The following NAV2 variants were observed in gnomAD, a reference collection of about 807,000 sequenced individuals.
NAV2 encodes helicase, APC down-regulated 1.
In NAV2, 54 loss-of-function variants were observed where a neutral mutation model predicts 223.2. That is an observed-to-expected ratio of 0.24 (90% CI 0.19 to 0.30). NAV2 has a LOEUF of 0.30. NAV2 is among the 10% of genes least tolerant of loss of function. The pLI is 1.00. For synonymous variants in NAV2, 1,279 were observed against 1,239.3 expected (o/e 1.03, Z -0.67); for missense variants, 2,806 against 3,147.5 (o/e 0.89, Z 2.60).
chr11:19,899,449 A>T (rs796520415), intron 6 of NAV2, among the ~76,000 whole-genome samples: 3 of 152,344 alleles, frequency 2.0e-5, no homozygotes, highest in African/African-American at 7.2e-5. Flanking sequence ...GATGAAATTA[A>T]TTCAGTCATC....
intron 1 of NAV2, among the ~76,000 whole-genome samples, chr11:19,409,869 T>A (rs980172037): frequency 1.4e-4 from 22 of 152,134 alleles, no homozygotes; most frequent in African/African-American, 4.6e-4. Context: ...AGTTTGAGAT[T>A]TTTTAATCTA....
At chr11:19,703,092 T>C (rs999315238) in intron 1 of NAV2, among the ~76,000 whole-genome samples, 1 of 151,716 alleles carries the variant, frequency 6.6e-6, no homozygotes, top group Admixed American at 6.6e-5. Context: ...AGCAAAATAA[T>C]TTTAACAGTA....
chr11:20,091,549 G>C (rs189629615), intron 27 of NAV2, among the ~76,000 whole-genome samples: 217 of 152,216 alleles, frequency 1.4e-3, no homozygotes, highest in African/African-American at 5.2e-3. Flanking sequence ...CTGTAGATTT[G>C]TTCTTACAGC....
intron 2 of NAV2, among the ~76,000 whole-genome samples, chr11:19,840,860 G>T (rs537837716): frequency 6.6e-6 from 1 of 152,192 alleles, no homozygotes; most frequent in East Asian, 1.9e-4. Flanking sequence ...TGTGGCTCCT[G>T]TGTGCCAGAC....
rs954796496 is a variant in NAV2, at chr11:19,655,806, TG to T, written c.76-176675del. On this transcript the variant is annotated intron_variant, in intron 1 of 37. Transcript: ENST00000360655. ...TACCTAATGTTAAATGATGAGTTAA[TG>T]GGTGCAGCACACCAACATGGCACAT... 4.3e-4 allele frequency among the ~76,000 whole-genome samples: 65 copies of T among 151,332 alleles called. No homozygotes were observed. In the South Asian group the frequency reaches 8.6e-3, roughly 20 times the overall value.
chr11:19,547,042 G>A (rs533734494), intron 1 of NAV2, among the ~76,000 whole-genome samples: 2 of 152,288 alleles, frequency 1.3e-5, no homozygotes, highest in African/African-American at 4.8e-5. Context: ...TGGGTGCACC[G>A]GAACTGTGTC....
chr11:19,353,131 A>G (rs1250369461), intron 1 of NAV2, among the ~76,000 whole-genome samples: 2 of 152,150 alleles, frequency 1.3e-5, no homozygotes, highest in East Asian at 3.9e-4. Context: ...GAGAGCTGGG[A>G]AGTCTCCACC....
intron 11 of NAV2, 31 bp from the exon 12 acceptor site, chr11:20,035,928 T>C (rs761101999): frequency 1.2e-6 from 2 of 1,613,760 alleles, no homozygotes; most frequent in Non-Finnish European, 1.7e-6. Flanking sequence ...CCTGAGGTTT[T>C]GGTGCTCAGG....
At chr11:19,883,100 C>CA (rs2063321483) in intron 5 of NAV2, among the ~76,000 whole-genome samples, 1 of 152,182 alleles carries the variant, frequency 6.6e-6, no homozygotes, top group African/African-American at 2.4e-5. Context: ...AATGTTGATG[C>CA]AAACCCCCCA....
At chr11:19,895,685 G>A (rs1338505296) in intron 6 of NAV2, among the ~76,000 whole-genome samples, 3 of 152,086 alleles carry the variant, frequency 2.0e-5, no homozygotes, top group East Asian at 1.9e-4. Flanking sequence ...GTAGAAGGGT[G>A]CATTTATTCT....
intron 1 of NAV2, among the ~76,000 whole-genome samples, chr11:19,802,711 CAAAAAA>C (rs35777344): frequency 8.5e-6 from 1 of 117,050 alleles, no homozygotes; most frequent in Non-Finnish European, 1.7e-5. Flanking sequence ...CCCTGTCTCT[CAAAAAA>C]AAAAAAAAAA....
At chr11:19,641,418 A>C (rs1778486403) in intron 1 of NAV2, among the ~76,000 whole-genome samples, 1 of 151,936 alleles carries the variant, frequency 6.6e-6, no homozygotes, top group Non-Finnish European at 1.5e-5. Flanking sequence ...ATACTGCAGG[A>C]GACTCTTAGC....
intron 12 of NAV2, among the ~76,000 whole-genome samples, chr11:20,038,291 T>C (rs1341192000): frequency 6.6e-6 from 1 of 152,244 alleles, no homozygotes; most frequent in African/African-American, 2.4e-5. Context: ...GATCAGAAGT[T>C]ATTTTAAGGG....
chr11:19,970,534 C>T (rs1242844340), intron 10 of NAV2, among the ~76,000 whole-genome samples: 1 of 152,132 alleles, frequency 6.6e-6, no homozygotes, highest in Non-Finnish European at 1.5e-5. Context: ...GTACCTATCT[C>T]GAGAGTTGAA....
intron 1 of NAV2, among the ~76,000 whole-genome samples, chr11:19,636,060 T>A (rs907064920): frequency 4.6e-5 from 7 of 152,240 alleles, no homozygotes; most frequent in African/African-American, 1.7e-4. Context: ...CGAACTTATC[T>A]GAGAGCTGTT....
intron 1 of NAV2, among the ~76,000 whole-genome samples, chr11:19,677,525 C>A (rs2048749791): frequency 6.6e-6 from 1 of 152,250 alleles, no homozygotes. Flanking sequence ...CAAAGTCACA[C>A]AGCTTGTCAG....
intron 1 of NAV2, among the ~76,000 whole-genome samples, chr11:19,517,963 C>A (rs1453300836): frequency 1.3e-5 from 2 of 152,224 alleles, no homozygotes; most frequent in Admixed American, 6.5e-5. Flanking sequence ...CTGGGAACAA[C>A]AAAACTGTGC....
intron 1 of NAV2, among the ~76,000 whole-genome samples, chr11:19,523,516 T>C (rs933789200): frequency 1.3e-5 from 2 of 152,238 alleles, no homozygotes; most frequent in African/African-American, 4.8e-5. Context: ...GGCTCACCTG[T>C]TGAAGTTCTG....
At chr11:19,748,120 G>A (rs2152488019) in intron 1 of NAV2, among the ~76,000 whole-genome samples, 1 of 152,332 alleles carries the variant, frequency 6.6e-6, no homozygotes, top group Admixed American at 6.5e-5. Context: ...GCTGACCAGT[G>A]GACTGGTGGA....
Sources: allele counts gnomAD v4.1 joint callset (sites outside exome capture counted in the v4.1 genomes callset), GRCh38; gene constraint gnomAD v4.1.1; transcripts MANE v1.5; gene names NCBI Gene and HGNC (gene_info 2026-07-23, HGNC 2026-07-21).